The following DSCAML1 variants were observed in gnomAD, a reference collection of about 807,000 sequenced individuals.
DSCAML1 encodes the protein DS cell adhesion molecule like 1.
In DSCAML1, 38 loss-of-function variants were observed where a neutral mutation model predicts 200.5. That is an observed-to-expected ratio of 0.19 (90% CI 0.15 to 0.25). The LOEUF (loss-of-function observed/expected upper bound fraction) is 0.25, where lower values mean the gene tolerates loss of function less well. DSCAML1 is among the 10% of genes least tolerant of loss of function. The pLI, the probability that DSCAML1 is intolerant of heterozygous loss-of-function variation, is 1.00. For missense variants in DSCAML1, 2,223 were observed against 2,858.8 expected, an observed-to-expected ratio of 0.78 and a Z score of 5.07; for synonymous variants, 1,215 against 1,165.0, an observed-to-expected ratio of 1.04 and a Z score of -0.87.
chr11:117,648,133 C>T (rs1008047394), intron 3 of DSCAML1, among the ~76,000 whole-genome samples: 5 of 152,224 alleles, frequency 3.3e-5, no homozygotes, highest in African/African-American at 1.2e-4. Context: ...TCTCCACCAG[C>T]ACCATCTGTG....
At chr11:117,758,694 G>A (rs548555117) in intron 3 of DSCAML1, among the ~76,000 whole-genome samples, 33 of 152,238 alleles carry the variant, frequency 2.2e-4, no homozygotes, top group African/African-American at 7.7e-4. Flanking sequence ...GAGCCAAAGC[G>A]CCCGGCCGGC....
chr11:117,473,972 C>T (rs1035622747), intron 14 of DSCAML1, among the ~76,000 whole-genome samples: 14 of 152,058 alleles, frequency 9.2e-5, no homozygotes, highest in South Asian at 2.1e-4. Flanking sequence ...TAAGTCACAT[C>T]TGATGTGCCC....
intron 3 of DSCAML1, among the ~76,000 whole-genome samples, chr11:117,595,391 A>G (rs1036666371): frequency 1.3e-5 from 2 of 152,204 alleles, no homozygotes; most frequent in African/African-American, 4.8e-5. Flanking sequence ...GACTTGGTAT[A>G]TTTCCTTTTA....
chr11:117,473,354 G>A (rs1158416732), intron 14 of DSCAML1, among the ~76,000 whole-genome samples: 2 of 152,100 alleles, frequency 1.3e-5, no homozygotes, highest in East Asian at 1.9e-4. Flanking sequence ...AAAATTAGCC[G>A]GGCGTGGTGG....
intron 3 of DSCAML1, among the ~76,000 whole-genome samples, chr11:117,674,367 C>T (rs578080837): frequency 5.3e-5 from 8 of 152,168 alleles, no homozygotes; most frequent in South Asian, 2.1e-4. Context: ...GTTCTTTGGA[C>T]GGGGGAAGCT....
chr11:117,671,531 G>A (rs2053106979), intron 3 of DSCAML1, among the ~76,000 whole-genome samples: 1 of 152,210 alleles, frequency 6.6e-6, no homozygotes, highest in South Asian at 2.1e-4. Flanking sequence ...GGCAGGATAA[G>A]CCAATTACCA....
At chr11:117,455,609 G>A (rs150435372) in intron 19 of DSCAML1, among the ~76,000 whole-genome samples, 84 of 152,282 alleles carry the variant, frequency 5.5e-4, no homozygotes, top group African/African-American at 1.8e-3. Flanking sequence ...ATTTATGTTT[G>A]CATTTTGTTC....
At chr11:117,705,461 C>T (rs2053743594) in intron 3 of DSCAML1, among the ~76,000 whole-genome samples, 1 of 152,184 alleles carries the variant, frequency 6.6e-6, no homozygotes, top group Admixed American at 6.5e-5. Flanking sequence ...TTCTTCTCAC[C>T]TCCATCATCT....
rs1285590358 is a variant in DSCAML1 at position 117,489,995 on chromosome 11, G to A, written c.2360-7833C>T. On this transcript the variant is annotated intron_variant, in intron 11 of 32. Coordinates refer to ENST00000651296, the MANE Select transcript of DSCAML1 (RefSeq NM_020693.4). The surrounding 1 kb of genome is among the most constrained non-coding windows in gnomAD (Gnocchi z 4.8). ...TCCACACTTAGGCTCACTCAGGGGAGCGGGGAGCCTTGCTGGGCCACTGGG... is the reference window on the plus strand; with the variant it reads ...TCCACACTTAGGCTCACTCAGGGGAACGGGGAGCCTTGCTGGGCCACTGGG... 6.6e-6 allele frequency among the ~76,000 whole-genome samples: 1 copy of A among 152,224 alleles called. No individual in the cohort carries two copies. Among genetic ancestry groups the A allele is most frequent in the East Asian group, 1.9e-4 (1 of 5,188 alleles).
chr11:117,587,264 C>A (rs533790450), intron 3 of DSCAML1, among the ~76,000 whole-genome samples: 5 of 150,024 alleles, frequency 3.3e-5, no homozygotes, highest in African/African-American at 7.4e-5. Flanking sequence ...CCCCCCCCCA[C>A]GATTTAGATA....
intron 19 of DSCAML1, among the ~76,000 whole-genome samples, chr11:117,457,826 T>G (rs531090759): frequency 6.6e-6 from 1 of 152,294 alleles, no homozygotes; most frequent in African/African-American, 2.4e-5. Context: ...ATCTAGACTC[T>G]GGGTCTCCAT....
intron 3 of DSCAML1, among the ~76,000 whole-genome samples, chr11:117,718,680 C>CCCCCCCCCCCA (rs2053997413): frequency 1.0e-5 from 1 of 98,040 alleles, no homozygotes. Flanking sequence ...CCCCCCCCCC[C>CCCCCCCCCCCA]CCCATCATAT....
chr11:117,695,713 G>A (rs1219645767), intron 3 of DSCAML1, among the ~76,000 whole-genome samples: 1 of 152,200 alleles, frequency 6.6e-6, no homozygotes, highest in Admixed American at 6.5e-5. Flanking sequence ...CATTGAGGGA[G>A]TCAGTGGGGA....
chr11:117,760,710 T>C (rs1278416972), intron 3 of DSCAML1, among the ~76,000 whole-genome samples: 1 of 152,210 alleles, frequency 6.6e-6, no homozygotes, highest in South Asian at 2.1e-4. Context: ...TTAAGGAATT[T>C]AAATTTTTGA....
Position 117,780,821 on chromosome 11 carries a change from G to A in DSCAML1, c.47-11C>T, listed in dbSNP as rs781165424. 3 of 1,420,060 alleles carry A rather than the reference G, an allele frequency of 2.1e-6. No individual in the cohort carries two copies. Among genetic ancestry groups the A allele is most frequent in the Non-Finnish European group, 2.8e-6 (3 of 1,089,346 alleles). 88.0% of individuals were successfully genotyped at this position (1,420,060 alleles called of 1,614,324 possible). On this transcript the variant is annotated splice_polypyrimidine_tract_variant and intron_variant, in intron 1 of 32. Transcript: ENST00000651296. The surrounding 1 kb of genome is among the most constrained non-coding windows in gnomAD (Gnocchi z 4.8). ...CATCTTCAGGGCGGGCTGCAGGAGA[G>A]GCAAGGGGAGAGACTTGGTTAGCAT...
At chr11:117,707,309 A>G (rs1451975731) in intron 3 of DSCAML1, among the ~76,000 whole-genome samples, 2 of 152,228 alleles carry the variant, frequency 1.3e-5, no homozygotes, top group Non-Finnish European at 2.9e-5. Flanking sequence ...GGTGGCAACA[A>G]ATAGAATCAG....
chr11:117,668,574 A>C (rs1472308405), intron 3 of DSCAML1: 6 of 152,200 alleles, frequency 3.9e-5, no homozygotes, highest in South Asian at 4.1e-4. Flanking sequence ...CTGGCAAGTG[A>C]GCCCAGGCAG....
chr11:117,437,228 C>G lies in DSCAML1; in HGVS notation c.4614G>C (p.Leu1538=). The change falls in exon 26 of 33, where the codon CTG becomes CTC. Residue 1538 remains leucine (L), a synonymous_variant. Transcript: ENST00000651296. The surrounding 1 kb of genome is among the most constrained non-coding windows in gnomAD (Gnocchi z 5.3). ...LRANSSGEVF[L]TELREATWYE... ...ACCACGTGGCCTCTCGCAGTTCCGT[C>G]AGAAACACCTCCCCGGAGCTGTTGG... The G allele has an allele frequency of 6.2e-7, 1 of 1,614,228 alleles. No homozygotes were observed. Among genetic ancestry groups the G allele is most frequent in the Non-Finnish European group, 8.5e-7 (1 of 1,180,044 alleles).
intron 3 of DSCAML1, among the ~76,000 whole-genome samples, chr11:117,619,488 G>T (rs2051882413): frequency 6.6e-6 from 1 of 152,178 alleles, no homozygotes; most frequent in African/African-American, 2.4e-5. Context: ...ACCACAGAGT[G>T]GAGAAATATT....
Sources: allele counts gnomAD v4.1 joint callset (sites outside exome capture counted in the v4.1 genomes callset), GRCh38; gene constraint gnomAD v4.1.1; non-coding constraint Gnocchi (gnomAD v3.1); transcripts MANE v1.5; gene names NCBI Gene and HGNC (gene_info 2026-07-23, HGNC 2026-07-21).